Variants in CLEC1A observed in about 807,000 individuals in gnomAD.
CLEC1A encodes C-type lectin-like receptor-1.
Under a neutral mutation model 28.7 loss-of-function variants are expected in CLEC1A, and 34 were observed. That is an observed-to-expected ratio of 1.18 (90% CI 0.90 to 1.57). The LOEUF is 1.57. Among genes scored for constraint, CLEC1A ranks in the 40% most tolerant of loss-of-function variants. The probability of loss-of-function intolerance (pLI) is 0.00; values close to 1 mark genes in which losing one functional copy is unlikely to be tolerated. For missense variants in CLEC1A, 385 were observed against 339.5 expected (o/e 1.13, Z -1.05); for synonymous variants, 116 against 121.0 (o/e 0.96, Z 0.27).
In CLEC1A at chr12:10,071,375, C is replaced by G; in HGVS notation, c.801G>C (p.Glu267Asp). ...ATGTTTCAGGGGGGACATGGAGGCT[C>G]TCTGGCTTCACCATTCCTGCCCTTC... ...CERRAGMVKP[E>D]SLHVPPETLG... The change falls in exon 6 of 6, where the codon GAG becomes GAC. Residue 267 changes from glutamate to aspartate, a missense_variant. Glu to Asp is a conservative substitution (Grantham distance 45). Coordinates refer to ENST00000315330, the MANE Select transcript of CLEC1A (RefSeq NM_016511.4). 1 of 1,613,938 alleles carries G rather than the reference C, an allele frequency of 6.2e-7. No individual in the cohort carries two copies. The highest frequency in any genetic ancestry group is 8.5e-7 in the Non-Finnish European group (1 of 1,179,858).
At chr12:10,093,713 C>T (rs1947739429) in intron 1 of CLEC1A, among the ~76,000 whole-genome samples, 1 of 151,982 alleles carries the variant, frequency 6.6e-6, no homozygotes, top group Admixed American at 6.5e-5. Context: ...TAACGCTATA[C>T]TCTGCACACT....
chr12:10,089,075 G>C (rs767724951), intron 2 of CLEC1A, 49 bp downstream of exon 2: 1 of 1,408,662 alleles, frequency 7.1e-7, no homozygotes, highest in South Asian at 1.2e-5. Context: ...TCTCATCCTA[G>C]ACAAACCTTG....
intron 1 of CLEC1A, among the ~76,000 whole-genome samples, chr12:10,094,383 AC>A (rs1947749636): frequency 2.0e-5 from 3 of 152,026 alleles, no homozygotes; most frequent in Admixed American, 2.0e-4. Flanking sequence ...AGCAATAGTT[AC>A]TAATGAACTA....
Position 10,081,272 on chromosome 12 carries a change from T to C in CLEC1A, c.356A>G (p.Glu119Gly), listed in dbSNP as rs1442203163. Reference sequence around the variant, plus strand: ...GTTATACAGCTCACGACAGAGTTTTTCAGCCACATGCTGCAGACTTCCTGC... The same window carrying C: ...GTTATACAGCTCACGACAGAGTTTTCCAGCCACATGCTGCAGACTTCCTGC... ...KLAGSLQHVA[E>G]KLCRELYNKA... The change falls in exon 3 of 6, where the codon GAA becomes GGA. Residue 119 changes from glutamate (E) to glycine (G), a missense_variant. Glu to Gly is a moderately conservative substitution (Grantham distance 98, BLOSUM62 -2). Transcript: ENST00000315330. 4.3e-6 allele frequency: 7 copies of C among 1,610,746 alleles called. No homozygotes were observed. The highest frequency in any genetic ancestry group is 4.2e-6 in the Non-Finnish European group (5 of 1,178,304).
intron 1 of CLEC1A, 103 bp from the exon 2 acceptor site, chr12:10,089,325 T>A: frequency 2.3e-6 from 2 of 887,934 alleles, no homozygotes; most frequent in Non-Finnish European, 3.6e-6. Flanking sequence ...AAGAACAAAT[T>A]AGGCTGGACA....
intron 2 of CLEC1A, among the ~76,000 whole-genome samples, chr12:10,088,687 G>T (rs1866551590): frequency 1.3e-5 from 2 of 151,840 alleles, no homozygotes; most frequent in African/African-American, 4.8e-5. Flanking sequence ...TAAAAAATAT[G>T]GTGATTAAGG....
intron 5 of CLEC1A, among the ~76,000 whole-genome samples, chr12:10,072,903 ATCCTGTCT>A (rs1866164169): frequency 6.6e-6 from 1 of 152,130 alleles, no homozygotes; most frequent in Non-Finnish European, 1.5e-5. Context: ...ACACATCATA[ATCCTGTCT>A]TTCCAAAAAA....
chr12:10,081,538 A>G (rs1242105888), intron 2 of CLEC1A, 125 bp from the exon 3 acceptor site: 1 of 578,782 alleles, frequency 1.7e-6, no homozygotes, highest in African/African-American at 3.0e-5. Flanking sequence ...CATATTGCCT[A>G]TATTCAAGTT....
At chr12:10,079,197 A>T (rs1416243849) in intron 3 of CLEC1A, among the ~76,000 whole-genome samples, 1 of 152,180 alleles carries the variant, frequency 6.6e-6, no homozygotes, top group African/African-American at 2.4e-5. Context: ...TCAGATATGC[A>T]TCAGTAGGCA....
chr12:10,089,742 T>C (rs1468024375), intron 1 of CLEC1A, among the ~76,000 whole-genome samples: 2 of 152,098 alleles, frequency 1.3e-5, no homozygotes, highest in Non-Finnish European at 2.9e-5. Flanking sequence ...GAAGTAATAA[T>C]TTTACTGTTT....
At chr12:10,087,885 G>A (rs147760194) in intron 2 of CLEC1A, among the ~76,000 whole-genome samples, 2 of 151,886 alleles carry the variant, frequency 1.3e-5, no homozygotes, top group East Asian at 1.9e-4. Flanking sequence ...AAATAGAAAT[G>A]TGGAGTTATA....
intron 5 of CLEC1A, 34 bp from the exon 6 acceptor site, chr12:10,071,547 G>A (rs372371337): frequency 1.2e-5 from 17 of 1,470,474 alleles, no homozygotes; most frequent in African/African-American, 5.7e-5. Context: ...ATTCAATCAC[G>A]GTTTATTTCT....
intron 2 of CLEC1A, among the ~76,000 whole-genome samples, chr12:10,088,405 C>T (rs1293989412): frequency 1.2e-5 from 1 of 86,688 alleles, no homozygotes; most frequent in Admixed American, 1.0e-4. Flanking sequence ...ATCTGCTCTT[C>T]TATATAACAT....
chr12:10,071,652 C>T (rs962988265), intron 5 of CLEC1A, 139 bp from the exon 6 acceptor site: 16 of 647,454 alleles, frequency 2.5e-5, no homozygotes, highest in Non-Finnish European at 3.6e-5. Context: ...TCATGTGCCT[C>T]TTTCTCTTCA....
intron 2 of CLEC1A, among the ~76,000 whole-genome samples, chr12:10,082,802 C>T (rs1420019399): frequency 6.6e-6 from 1 of 152,244 alleles, no homozygotes; most frequent in Non-Finnish European, 1.5e-5. Flanking sequence ...AGGGAGAAGA[C>T]AACAGCTAAT....
Position 10,071,233 on chromosome 12 carries a change from G to A in CLEC1A, c.*100C>T. ...GAACCCATTTTGTACTAGTCAGAGA[G>A]ATAGTCTTTCCTGATTATGTTCCAT... On this transcript the variant is annotated 3_prime_UTR_variant, in exon 6 of 6. Coordinates refer to ENST00000315330, the MANE Select transcript of CLEC1A (RefSeq NM_016511.4). 8.8e-7 allele frequency: 1 copy of A among 1,131,458 alleles called. No homozygotes were observed. The highest frequency in any genetic ancestry group is 2.4e-5 in the East Asian group (1 of 42,010). The allele number at this position is 1,131,458 out of a possible 1,614,324, so 70.1% of individuals were successfully genotyped here.
chr12:10,077,277 T>C (rs968840702), intron 3 of CLEC1A, among the ~76,000 whole-genome samples: 2 of 152,038 alleles, frequency 1.3e-5, no homozygotes, highest in Non-Finnish European at 2.9e-5. Flanking sequence ...AGGAGGAAAA[T>C]AGAATACAGA....
At chr12:10,078,714 T>C (rs77317951) in intron 3 of CLEC1A, among the ~76,000 whole-genome samples, 4,036 of 152,248 alleles carry the variant, frequency 0.027, 170 homozygotes, top group African/African-American at 0.091. Context: ...CTGGTTGATA[T>C]AGTTTGAACA....
In CLEC1A at chr12:10,071,335, AG is replaced by A. The variant is rs1278327666; in HGVS notation, c.840del (p.Ter281AspfsTer29). 6.2e-7 allele frequency: 1 copy of A among 1,612,706 alleles called. No individual in the cohort carries two copies. The stretch of plus-strand genomic sequence containing the variant: ...TATTTGTAGTTGCAGAGGGCGAATC[AG>A]TCACCTTCGCCTAATGTTTCAGGGG... ...HVPPETLGEG[D>X] On this transcript the variant is annotated frameshift_variant, in exon 6 of 6. Transcript: ENST00000315330. LOFTEE classifies it high-confidence loss of function.
Sources: gnomAD v4.1 joint callset for allele counts (sites outside exome capture counted in the v4.1 genomes callset) on GRCh38, gnomAD v4.1.1 for gene constraint, MANE v1.5 for transcripts, NCBI Gene and HGNC (gene_info 2026-07-23, HGNC 2026-07-21) for gene names.